The following CHN2 variants were observed in gnomAD, a reference collection of about 807,000 sequenced individuals.
The protein encoded by CHN2 is chimerin 2, also known as beta-chimaerin.
A neutral mutation model predicts 56.3 loss-of-function variants in CHN2; 35 were observed. That is an observed-to-expected ratio of 0.62 (90% CI 0.47 to 0.82). The LOEUF (loss-of-function observed/expected upper bound fraction) is 0.82, where lower values mean the gene tolerates loss of function less well. CHN2 is among the 40% of genes least tolerant of loss of function. The probability of loss-of-function intolerance (pLI) is 0.00; values close to 1 mark genes in which losing one functional copy is unlikely to be tolerated. For synonymous variants in CHN2, 210 were observed against 212.8 expected (o/e 0.99, Z 0.12); for missense variants, 491 against 580.5 (o/e 0.85, Z 1.58).
At chr7:29,369,855 C>G (rs1799470361) in intron 3 of CHN2, among the ~76,000 whole-genome samples, 2 of 152,210 alleles carry the variant, frequency 1.3e-5, no homozygotes, top group Non-Finnish European at 2.9e-5. Flanking sequence ...TTGTTTCCCC[C>G]TTGTCTGACT....
At chr7:29,292,394 A>C (rs989192015) in intron 1 of CHN2, among the ~76,000 whole-genome samples, 1 of 152,222 alleles carries the variant, frequency 6.6e-6, no homozygotes, top group African/African-American at 2.4e-5. Flanking sequence ...ATTGAGAAAA[A>C]ATAGTTAAAA....
At chr7:29,298,383 A>G (rs2128875499) in intron 1 of CHN2, among the ~76,000 whole-genome samples, 1 of 152,100 alleles carries the variant, frequency 6.6e-6, no homozygotes, top group Admixed American at 6.5e-5. Flanking sequence ...TAAGTTTGGG[A>G]CAAAAATGTG....
chr7:29,408,605 T>C (rs1802884538), intron 6 of CHN2, among the ~76,000 whole-genome samples: 1 of 152,182 alleles, frequency 6.6e-6, no homozygotes, highest in South Asian at 2.1e-4. Context: ...TTTCCATGAC[T>C]CCTTTCCCGA....
intron 3 of CHN2, among the ~76,000 whole-genome samples, chr7:29,373,514 C>T (rs1415030858): frequency 6.6e-6 from 1 of 152,108 alleles, no homozygotes; most frequent in African/African-American, 2.4e-5. Context: ...ATCTCACTAC[C>T]TTATTTTACC....
chr7:29,199,407 T>C (rs1273461899), intron 1 of CHN2: 1 of 152,246 alleles, frequency 6.6e-6, no homozygotes, highest in Non-Finnish European at 1.5e-5. Flanking sequence ...TCTGGAATAT[T>C]CAATTATGTC....
At chr7:29,491,827 A>G (rs2128561174) in intron 7 of CHN2, among the ~76,000 whole-genome samples, 1 of 152,330 alleles carries the variant, frequency 6.6e-6, no homozygotes, top group Non-Finnish European at 1.5e-5. Context: ...ACATTTCCCA[A>G]ATTAAGAGAA....
rs890095940 is a variant in CHN2, at chr7:29,220,376, C to CT, written c.49+25393dup. Among the ~76,000 whole-genome samples, 230 of 150,934 alleles carry CT rather than the reference C, an allele frequency of 1.5e-3. 1 individual carries two copies. Among genetic ancestry groups the CT allele is most frequent in the African/African-American group, 5.2e-3 (215 of 41,146 alleles). On this transcript the variant is annotated intron_variant, in intron 1 of 12. Coordinates refer to ENST00000222792, the MANE Select transcript of CHN2 (RefSeq NM_004067.4). ...TGAAAATTAACAAAAACAACTGGGGCTTTTTTTGACAAGATTAATATAATT... is the reference window on the plus strand; with the variant it reads ...TGAAAATTAACAAAAACAACTGGGGCTTTTTTTTGACAAGATTAATATAATT...
At position 29,514,266 on chromosome 7, in the gene CHN2, G is replaced by A. The variant is rs139339698; in HGVS notation, c.*1531G>A. 3 of 152,572 alleles carry A rather than the reference G, an allele frequency of 2.0e-5. No homozygotes were observed. Among genetic ancestry groups the A allele is most frequent in the African/African-American group, 7.2e-5 (3 of 41,426 alleles). 9.5% of individuals were successfully genotyped at this position (152,572 alleles called of 1,614,324 possible). ...TATTTTGTGAAGTGAACAATACTTTGTAATTTATGATAGTGTAAATGGAAG... is the reference window on the plus strand; with the variant it reads ...TATTTTGTGAAGTGAACAATACTTTATAATTTATGATAGTGTAAATGGAAG... On this transcript the variant is annotated 3_prime_UTR_variant, in exon 13 of 13. Transcript: ENST00000222792.
intron 6 of CHN2, among the ~76,000 whole-genome samples, chr7:29,448,723 A>G (rs1363905300): frequency 2.6e-5 from 4 of 152,106 alleles, no homozygotes; most frequent in African/African-American, 4.8e-5. Context: ...CTGTTTGGCT[A>G]TCTCCTTCTC....
intron 1 of CHN2, among the ~76,000 whole-genome samples, chr7:29,300,663 T>C (rs563926475): frequency 6.6e-6 from 1 of 152,350 alleles, no homozygotes; most frequent in East Asian, 1.9e-4. Context: ...AGTTTCCTTG[T>C]TTCAAAAAAC....
At chr7:29,317,386 A>T (rs1795030854) in intron 1 of CHN2, among the ~76,000 whole-genome samples, 1 of 152,222 alleles carries the variant, frequency 6.6e-6, no homozygotes, top group African/African-American at 2.4e-5. Flanking sequence ...GTGTTTAGGC[A>T]CTTTGGGACC....
rs56102038 is a variant in CHN2, at chr7:29,184,151, T to TGATAGATAGATA, written c.274+37228_274+37239dup. Among the ~76,000 whole-genome samples, 1,076 of 143,380 alleles carry TGATAGATAGATA rather than the reference T, an allele frequency of 7.5e-3. 9 individuals are homozygous for TGATAGATAGATA. The highest frequency in any genetic ancestry group is 8.3e-3 in the South Asian group (36 of 4,356). 94.1% of individuals were successfully genotyped at this position (143,380 alleles called of 152,430 possible). The stretch of plus-strand genomic sequence containing the variant: ...TAACTGTACAGAAGATACAGATAGA[T>TGATAGATAGATA]GATAGATAGATAGATAGATAGATAG... On this transcript the variant is annotated intron_variant, in intron 2 of 6. Coordinates refer to the CHN2 transcript ENST00000439384.
chr7:29,172,536 T>C (rs1796738918), intron 2 of CHN2, among the ~76,000 whole-genome samples: 1 of 152,256 alleles, frequency 6.6e-6, no homozygotes, highest in South Asian at 2.1e-4. Context: ...TGATTTCCCT[T>C]GCAGTTGGGA....
At chr7:29,347,387 G>A (rs1370057314) in intron 1 of CHN2, among the ~76,000 whole-genome samples, 1 of 152,150 alleles carries the variant, frequency 6.6e-6, no homozygotes, top group Non-Finnish European at 1.5e-5. Context: ...GCCTGAGACT[G>A]GGTAATTTAT....
intron 12 of CHN2, among the ~76,000 whole-genome samples, chr7:29,510,697 G>A (rs1329654888): frequency 2.0e-5 from 3 of 152,192 alleles, no homozygotes; most frequent in Admixed American, 2.0e-4. Flanking sequence ...CTTTTTGTAA[G>A]CTAATCTCAG....
At chr7:29,147,100 C>T (rs1257812000) in intron 2 of CHN2, 5 of 1,180,218 alleles carry the variant, frequency 4.2e-6, no homozygotes, top group Non-Finnish European at 4.7e-6. Context: ...GGTTAAGTAA[C>T]CCATCCAGGG....
intron 12 of CHN2, among the ~76,000 whole-genome samples, chr7:29,510,000 G>A (rs557422269): frequency 2.1e-4 from 32 of 152,228 alleles, no homozygotes; most frequent in Admixed American, 1.9e-3. Context: ...CTCTGCCTCC[G>A]TGTCTGCATC....
At chr7:29,410,122 A>T (rs1311353476) in intron 6 of CHN2, among the ~76,000 whole-genome samples, 2 of 152,206 alleles carry the variant, frequency 1.3e-5, no homozygotes, top group Non-Finnish European at 2.9e-5. Flanking sequence ...GGGTTGTTGA[A>T]TGTTTTTAAT....
rs1441768490 is a variant in CHN2 at position 29,146,656 on chromosome 7, C to G, written c.73C>G (p.Gln25Glu). 1.9e-6 allele frequency: 3 copies of G among 1,550,476 alleles called. No individual in the cohort carries two copies. In the African/African-American group the frequency reaches 4.1e-5, roughly 21 times the overall value. The change falls in exon 1 of 7, where the codon CAA becomes GAA. Residue 25 changes from glutamine to glutamate, a missense_variant. Gln to Glu is a conservative substitution (Grantham distance 29, BLOSUM62 2). Coordinates refer to the CHN2 transcript ENST00000439384. ...CCTGGTCCCAGAAACCTGGCCGCAT[C>G]AAGTCAGCGCTTCCCATGCTGGAAG...
Sources: gnomAD v4.1 joint callset for allele counts (sites outside exome capture counted in the v4.1 genomes callset) on GRCh38, gnomAD v4.1.1 for gene constraint, MANE v1.5 for transcripts, NCBI Gene and HGNC (gene_info 2026-07-23, HGNC 2026-07-21) for gene names.